SPAG16: variants seen among roughly 807,000 people sequenced by gnomAD.
SPAG16 encodes the protein sperm associated antigen 16, also known as sperm-associated antigen 16 protein.
A neutral mutation model predicts 80.4 loss-of-function variants in SPAG16; 86 were observed. That is an observed-to-expected ratio of 1.07 (90% CI 0.90 to 1.28). The LOEUF (loss-of-function observed/expected upper bound fraction) is 1.28, where lower values mean the gene tolerates loss of function less well. Among genes scored for constraint, SPAG16 ranks in the 50% most tolerant of loss-of-function variants. The pLI is 0.00. For synonymous variants in SPAG16, 294 were observed against 265.9 expected (o/e 1.11, Z -1.03); for missense variants, 870 against 765.3 (o/e 1.14, Z -1.61).
chr2:214,173,048 G>T (rs1040677695), intron 15 of SPAG16, among the ~76,000 whole-genome samples: 2 of 151,154 alleles, frequency 1.3e-5, no homozygotes, highest in African/African-American at 4.8e-5. Flanking sequence ...TTTGTAGGTT[G>T]CCTGTTCACT....
At chr2:213,809,387 C>A (rs1204780544) in intron 10 of SPAG16, among the ~76,000 whole-genome samples, 1 of 152,102 alleles carries the variant, frequency 6.6e-6, no homozygotes, top group Non-Finnish European at 1.5e-5. Flanking sequence ...AAAACTCACC[C>A]AGGTCCTAGC....
At chr2:213,481,900 G>A (rs943627045) in intron 9 of SPAG16, among the ~76,000 whole-genome samples, 1 of 152,218 alleles carries the variant, frequency 6.6e-6, no homozygotes, top group East Asian at 1.9e-4. Context: ...TGCCATTGCA[G>A]TGATTTTTGT....
At position 213,532,493 on chromosome 2, in the gene SPAG16, G is replaced by T. The variant is rs145694066; in HGVS notation, c.1070+42403G>T. Reference sequence around the variant, plus strand: ...TTTTTTTTTTTTGAGATGGAGTCTTGCTCTGTTGCCAATGCTAGAGTTAAG... The same window carrying T: ...TTTTTTTTTTTTGAGATGGAGTCTTTCTCTGTTGCCAATGCTAGAGTTAAG... On this transcript the variant is annotated intron_variant, in intron 10 of 15. Coordinates refer to ENST00000331683, the MANE Select transcript of SPAG16 (RefSeq NM_024532.5). Among the ~76,000 whole-genome samples the T allele has an allele frequency of 4.0e-3, 560 of 138,706 alleles. 3 individuals carry two copies. Among genetic ancestry groups the T allele is most frequent in the African/African-American group, 0.015 (512 of 35,188 alleles). The allele number at this position is 138,706 out of a possible 152,430, so 91.0% of individuals were successfully genotyped here.
intron 10 of SPAG16, among the ~76,000 whole-genome samples, chr2:213,640,387 A>G (rs373328503): frequency 9.2e-5 from 14 of 152,294 alleles, no homozygotes; most frequent in African/African-American, 3.4e-4. Context: ...GTCAGTGGAA[A>G]GATCTGGAGC....
chr2:213,510,403 TA>T (rs2075176065), intron 10 of SPAG16, among the ~76,000 whole-genome samples: 2 of 152,190 alleles, frequency 1.3e-5, no homozygotes, highest in African/African-American at 4.8e-5. Context: ...TTTATTATTT[TA>T]TTTTTTTACA....
chr2:213,772,289 T>C (rs2069297958), intron 10 of SPAG16, among the ~76,000 whole-genome samples: 1 of 152,180 alleles, frequency 6.6e-6, no homozygotes, highest in Non-Finnish European at 1.5e-5. Context: ...TGCACATTGA[T>C]TTTGTACCCT....
chr2:214,050,998 G>T (rs529761293), intron 13 of SPAG16, among the ~76,000 whole-genome samples: 1 of 152,302 alleles, frequency 6.6e-6, no homozygotes, highest in East Asian at 1.9e-4. Flanking sequence ...ACGTGGGGTT[G>T]CTTGTTTCCC....
intron 13 of SPAG16, among the ~76,000 whole-genome samples, chr2:214,024,763 A>G (rs1239155965): frequency 2.6e-5 from 4 of 151,648 alleles, no homozygotes; most frequent in Admixed American, 6.6e-5. Context: ...CAGGTGTGGT[A>G]GAATCTAGAT....
intron 10 of SPAG16, among the ~76,000 whole-genome samples, chr2:213,614,309 T>C (rs997272404): frequency 6.6e-6 from 1 of 152,232 alleles, no homozygotes; most frequent in African/African-American, 2.4e-5. Flanking sequence ...GGGATACAAA[T>C]GGCATAATAA....
chr2:214,196,851 A>T (rs1272325298), intron 15 of SPAG16, among the ~76,000 whole-genome samples: 1 of 152,066 alleles, frequency 6.6e-6, no homozygotes, highest in Non-Finnish European at 1.5e-5. Flanking sequence ...AATATAATCC[A>T]TCAAAACCAC....
intron 10 of SPAG16, among the ~76,000 whole-genome samples, chr2:213,773,719 A>C (rs1338672989): frequency 6.6e-6 from 1 of 151,682 alleles, no homozygotes; most frequent in Non-Finnish European, 1.5e-5. Context: ...ACGCCTGGCT[A>C]ATTTTTGTAT....
At chr2:213,826,259 G>T (rs55658550) in intron 10 of SPAG16, among the ~76,000 whole-genome samples, 38,897 of 150,836 alleles carry the variant, frequency 0.26, 6,304 homozygotes, top group East Asian at 0.49. Context: ...TTTCTTCTAT[G>T]ATCTTTATTA....
rs183984423 is a variant in SPAG16 at position 213,945,532 on chromosome 2, C to G, written c.1400+15387C>G. The stretch of plus-strand genomic sequence containing the variant: ...GGCTGGGAGGCTAGGCCAGTCTCGA[C>G]TTTTCATGTTTTTCTGCCTGCTTTA... On this transcript the variant is annotated intron_variant, in intron 12 of 15. Coordinates refer to ENST00000331683, the MANE Select transcript of SPAG16 (RefSeq NM_024532.5). 2.7e-3 allele frequency among the ~76,000 whole-genome samples: 416 copies of G among 152,048 alleles called. 6 individuals carry two copies. The highest frequency in any genetic ancestry group is 0.024 in the Admixed American group (370 of 15,242).
chr2:214,059,222 G>GTACATATATATA (rs1553706196), intron 13 of SPAG16, among the ~76,000 whole-genome samples: 4 of 121,478 alleles, frequency 3.3e-5, no homozygotes, highest in African/African-American at 1.0e-4. Flanking sequence ...ATATGTATGT[G>GTACATATATATA]TATATATATA....
intron 10 of SPAG16, among the ~76,000 whole-genome samples, chr2:213,531,396 GTT>G (rs1491528007): frequency 3.3e-5 from 5 of 151,098 alleles, no homozygotes; most frequent in Non-Finnish European, 5.9e-5. Context: ...GTGTGTGTGT[GTT>G]TATGATTCTC....
chr2:213,780,430 A>G (rs1412232633), intron 10 of SPAG16, among the ~76,000 whole-genome samples: 6 of 151,912 alleles, frequency 3.9e-5, no homozygotes, highest in Admixed American at 2.6e-4. Context: ...CCTCTTGGGG[A>G]ATTGTACCTT....
At chr2:214,102,925 C>G (rs986311810) in intron 13 of SPAG16, among the ~76,000 whole-genome samples, 4 of 152,138 alleles carry the variant, frequency 2.6e-5, no homozygotes, top group African/African-American at 9.7e-5. Context: ...AAAGGGAGGC[C>G]TTTAACCTTG....
At chr2:213,878,273 T>C (rs1252119732) in intron 11 of SPAG16, among the ~76,000 whole-genome samples, 1 of 152,122 alleles carries the variant, frequency 6.6e-6, no homozygotes, top group East Asian at 1.9e-4. Flanking sequence ...TCCAAAGAGG[T>C]TGGACTAATT....
chr2:214,313,583 A>G (rs1167190325), intron 15 of SPAG16, among the ~76,000 whole-genome samples: 1 of 152,140 alleles, frequency 6.6e-6, no homozygotes, highest in African/African-American at 2.4e-5. Context: ...AATATTATCT[A>G]GTTTGAAAAG....
Sources: gnomAD v4.1 joint callset for allele counts (sites outside exome capture counted in the v4.1 genomes callset) on GRCh38, gnomAD v4.1.1 for gene constraint, MANE v1.5 for transcripts, NCBI Gene and HGNC (gene_info 2026-07-23, HGNC 2026-07-21) for gene names.